RAD51B: variants seen among roughly 807,000 people sequenced by gnomAD.
The protein encoded by RAD51B is RAD51 paralog B.
A neutral mutation model predicts 42.2 loss-of-function variants in RAD51B; 38 were observed. The ratio of observed to expected loss-of-function variants is 0.90; its 90% CI spans 0.70 to 1.18. The LOEUF is 1.18. Ranked by LOEUF, RAD51B falls within the 50% of genes most tolerant of loss-of-function variation. The pLI is 0.00. For missense variants in RAD51B, 373 were observed against 400.7 expected, an observed-to-expected ratio of 0.93 and a Z score of 0.59; for synonymous variants, 154 against 145.2, an observed-to-expected ratio of 1.06 and a Z score of -0.43.
chr14:68,468,983 C>A (rs2140235306), intron 10 of RAD51B: 1 of 327,572 alleles, frequency 3.1e-6, no homozygotes, highest in Non-Finnish European at 6.6e-6. Flanking sequence ...GGGTAAATTC[C>A]AGCACTGTTA....
chr14:68,503,331 G>A (rs1470936590), intron 10 of RAD51B, among the ~76,000 whole-genome samples: 4 of 152,110 alleles, frequency 2.6e-5, no homozygotes, highest in East Asian at 1.9e-4. Flanking sequence ...TGGTTTAACC[G>A]GCTGACATTC....
chr14:68,271,493 G>A (rs1234761626), intron 7 of RAD51B, among the ~76,000 whole-genome samples: 1 of 152,068 alleles, frequency 6.6e-6, no homozygotes, highest in Non-Finnish European at 1.5e-5. Flanking sequence ...CACCTTGAAA[G>A]TGTGTTGTGA....
At chr14:68,023,431 G>A (rs551405168) in intron 7 of RAD51B, among the ~76,000 whole-genome samples, 20 of 152,180 alleles carry the variant, frequency 1.3e-4, no homozygotes, top group Admixed American at 6.5e-4. Flanking sequence ...AGGTTCAAGC[G>A]GTTCTCCTGC....
At chr14:68,378,959 C>A (rs1456224597) in intron 8 of RAD51B, among the ~76,000 whole-genome samples, 1 of 152,208 alleles carries the variant, frequency 6.6e-6, no homozygotes, top group Non-Finnish European at 1.5e-5. Flanking sequence ...TGCTTCATAT[C>A]TTCTGATTCA....
intron 7 of RAD51B, among the ~76,000 whole-genome samples, chr14:68,122,289 G>A (rs1414751902): frequency 1.3e-5 from 2 of 152,070 alleles, no homozygotes; most frequent in African/African-American, 4.8e-5. Flanking sequence ...AAAGTCAAAT[G>A]ACAAATGAAA....
intron 7 of RAD51B, among the ~76,000 whole-genome samples, chr14:68,139,300 G>C (rs1227091909): frequency 1.3e-5 from 2 of 151,236 alleles, no homozygotes; most frequent in African/African-American, 2.4e-5. Context: ...AGATGAGAAA[G>C]TTGAGGTACA....
At chr14:67,952,224 A>G (rs1004600359) in intron 7 of RAD51B, among the ~76,000 whole-genome samples, 5 of 152,116 alleles carry the variant, frequency 3.3e-5, no homozygotes, top group Non-Finnish European at 5.9e-5. Flanking sequence ...AGAAAAAAAA[A>G]AAGATAACTG....
chr14:68,310,995 C>T (rs1220329753), intron 8 of RAD51B, among the ~76,000 whole-genome samples: 1 of 152,084 alleles, frequency 6.6e-6, no homozygotes, highest in Non-Finnish European at 1.5e-5. Context: ...TGCAGTCTCT[C>T]CAGAACGTTT....
chr14:67,936,128 C>T (rs1253026469), intron 7 of RAD51B, among the ~76,000 whole-genome samples: 1 of 152,072 alleles, frequency 6.6e-6, no homozygotes, highest in Non-Finnish European at 1.5e-5. Context: ...TTTTAAGGTA[C>T]ACAATATAGG....
intron 7 of RAD51B, among the ~76,000 whole-genome samples, chr14:67,985,132 G>C (rs2075161521): frequency 6.6e-6 from 1 of 152,198 alleles, no homozygotes. Context: ...ATACAGAAGA[G>C]TTGCCAGTGT....
Position 68,549,574 on chromosome 14 carries a change from CCCG to C in RAD51B, c.1037-44910_1037-44908del, listed in dbSNP as rs1447045216. On this transcript the variant is annotated intron_variant, in intron 10 of 10. Transcript: ENST00000487270. ...GGGACTACAGGCGCGCGCCACCATG[CCCG>C]GCTAATTTTTGTATTTTTAGTAGAG... Among the ~76,000 whole-genome samples, 6 of 150,588 alleles carry C rather than the reference CCCG, an allele frequency of 4.0e-5. No individual in the cohort carries two copies. The South Asian group carries it at 1.3e-3, about 32-fold the overall frequency.
chr14:68,619,875 A>C (rs1453871508), intron 10 of RAD51B, among the ~76,000 whole-genome samples: 1 of 152,228 alleles, frequency 6.6e-6, no homozygotes, highest in Admixed American at 6.5e-5. Context: ...GGGACACTTA[A>C]GTCCCCTTTT....
intron 7 of RAD51B, chr14:67,908,675 CACCTA>C (rs967744653): frequency 6.6e-6 from 1 of 151,976 alleles, no homozygotes; most frequent in Non-Finnish European, 1.5e-5. Flanking sequence ...TGCTAGCAGA[CACCTA>C]TGTTTGGTGG....
At chr14:68,008,967 C>A (rs1424089449) in intron 7 of RAD51B, among the ~76,000 whole-genome samples, 2 of 151,940 alleles carry the variant, frequency 1.3e-5, no homozygotes, top group Admixed American at 1.3e-4. Flanking sequence ...TTGAGTAGTT[C>A]TCTTTCACTC....
At chr14:68,168,794 C>T (rs1385611509) in intron 7 of RAD51B, among the ~76,000 whole-genome samples, 4 of 152,100 alleles carry the variant, frequency 2.6e-5, no homozygotes, top group Non-Finnish European at 5.9e-5. Flanking sequence ...AGAAATAAGA[C>T]TCTCATATTG....
At chr14:68,026,787 A>G (rs934992600) in intron 7 of RAD51B, among the ~76,000 whole-genome samples, 1 of 151,978 alleles carries the variant, frequency 6.6e-6, no homozygotes, top group Non-Finnish European at 1.5e-5. Flanking sequence ...TCCTGTTTTT[A>G]TATTCAGCTT....
intron 10 of RAD51B, among the ~76,000 whole-genome samples, chr14:68,525,021 T>C (rs1955000716): frequency 6.9e-6 from 1 of 145,466 alleles, no homozygotes; most frequent in Non-Finnish European, 1.6e-5. Context: ...TGAGGGAGAA[T>C]TAAGGAAGCA....
intron 10 of RAD51B, among the ~76,000 whole-genome samples, chr14:68,544,623 G>A (rs1888129198): frequency 6.6e-6 from 1 of 152,180 alleles, no homozygotes; most frequent in Admixed American, 6.5e-5. Flanking sequence ...GCTCAGGTCA[G>A]GGGTGGGGTG....
At chr14:68,492,242 C>A (rs2140282921) in intron 10 of RAD51B, among the ~76,000 whole-genome samples, 2 of 152,304 alleles carry the variant, frequency 1.3e-5, no homozygotes, top group Middle Eastern at 6.8e-3. Flanking sequence ...TTACCCCCAT[C>A]CTGCTCTACT....
Sources: allele counts gnomAD v4.1 joint callset (sites outside exome capture counted in the v4.1 genomes callset), GRCh38; gene constraint gnomAD v4.1.1; transcripts MANE v1.5; gene names NCBI Gene and HGNC (gene_info 2026-07-23, HGNC 2026-07-21).